TCERG1L: variants seen among roughly 807,000 people sequenced by gnomAD.
The protein encoded by TCERG1L is transcription elongation regulator 1 like.
TCERG1L carries 37 observed loss-of-function variants against 56.3 expected under a neutral mutation model. That is an observed-to-expected ratio of 0.66 (90% CI 0.51 to 0.87). The LOEUF is 0.87. Ranked by LOEUF, TCERG1L falls within the 40% of genes least tolerant of loss-of-function variation. The pLI, the probability that TCERG1L is intolerant of heterozygous loss-of-function variation, is 0.00. For synonymous variants in TCERG1L, 324 were observed against 326.3 expected, an observed-to-expected ratio of 0.99 and a Z score of 0.08; for missense variants, 799 against 774.2, an observed-to-expected ratio of 1.03 and a Z score of -0.38.
chr10:131,204,517 A>G (rs892402918), intron 4 of TCERG1L, among the ~76,000 whole-genome samples: 2 of 152,086 alleles, frequency 1.3e-5, no homozygotes, highest in African/African-American at 2.4e-5. Flanking sequence ...TTTCCCATGT[A>G]CAGTGGAGAA....
At chr10:131,109,369 G>T (rs1845387552) in intron 9 of TCERG1L, among the ~76,000 whole-genome samples, 1 of 152,154 alleles carries the variant, frequency 6.6e-6, no homozygotes, top group Non-Finnish European at 1.5e-5. Context: ...CACGCCTGTT[G>T]TCTGTCCCCC....
rs529966463 is a variant in TCERG1L, at chr10:131,234,490, C to T, written c.856+25769G>A. Among the ~76,000 whole-genome samples the T allele has an allele frequency of 4.8e-4, 73 of 152,058 alleles. 1 individual carries two copies. Among genetic ancestry groups the T allele is most frequent in the African/African-American group, 1.6e-3 (67 of 41,480 alleles). Reference sequence around the variant, plus strand: ...TTATTTTAGAAAAGTATGGAATAAACGAGAGGCTCATGGCTTGAAGGCAGG... The same window carrying T: ...TTATTTTAGAAAAGTATGGAATAAATGAGAGGCTCATGGCTTGAAGGCAGG... On this transcript the variant is annotated intron_variant, in intron 4 of 11. Transcript: ENST00000368642.
At chr10:131,220,015 A>G (rs1040541490) in intron 4 of TCERG1L, among the ~76,000 whole-genome samples, 14 of 152,230 alleles carry the variant, frequency 9.2e-5, no homozygotes, top group Admixed American at 2.0e-4. Flanking sequence ...GCCCAACAAC[A>G]AAAGAGCCAG....
At chr10:131,149,902 C>T (rs537656350) in intron 6 of TCERG1L, among the ~76,000 whole-genome samples, 8 of 152,330 alleles carry the variant, frequency 5.3e-5, no homozygotes, top group African/African-American at 1.9e-4. Context: ...CAGATCCGGC[C>T]CCTCAAGGGC....
chr10:131,285,719 TA>T (rs1846532609), intron 3 of TCERG1L, among the ~76,000 whole-genome samples: 1 of 152,170 alleles, frequency 6.6e-6, no homozygotes, highest in African/African-American at 2.4e-5. Context: ...TCAAGAAATG[TA>T]AGTGATTTAA....
intron 7 of TCERG1L, among the ~76,000 whole-genome samples, chr10:131,144,583 T>TA (rs34870419): frequency 3.4e-4 from 50 of 145,842 alleles, no homozygotes; most frequent in Admixed American, 1.4e-3. Context: ...AGATTCAGGT[T>TA]AAAAAAAAAA....
chr10:131,112,868 G>A (rs71478071), intron 9 of TCERG1L, among the ~76,000 whole-genome samples: 1 of 142,534 alleles, frequency 7.0e-6, no homozygotes, highest in African/African-American at 2.5e-5. Flanking sequence ...CTGGGAAGCA[G>A]GGTTTTCACC....
chr10:131,285,678 G>A (rs1289748269), intron 3 of TCERG1L, among the ~76,000 whole-genome samples: 1 of 152,078 alleles, frequency 6.6e-6, no homozygotes, highest in Non-Finnish European at 1.5e-5. Flanking sequence ...TATATGAAAA[G>A]GGCAATTCAA....
chr10:131,244,706 C>A (rs1412797306), intron 4 of TCERG1L, among the ~76,000 whole-genome samples: 1 of 152,112 alleles, frequency 6.6e-6, no homozygotes, highest in Admixed American at 6.5e-5. Flanking sequence ...GGGAGGGCTT[C>A]CAGAGCTCAA....
In TCERG1L at chr10:131,147,416, C is replaced by T. The variant is rs138007794; in HGVS notation, c.1035-756G>A. Among the ~76,000 whole-genome samples, 610 of 152,270 alleles carry T rather than the reference C, an allele frequency of 4.0e-3. 3 individuals are homozygous for T. The highest frequency in any genetic ancestry group is 0.014 in the Middle Eastern group (4 of 294). ...CGGGAGCCTGCGGCATGGAGGTGCA[C>T]GGGAGACTCTGCACTCTGACACTCT... On this transcript the variant is annotated intron_variant, in intron 6 of 11. Transcript: ENST00000368642.
intron 4 of TCERG1L, among the ~76,000 whole-genome samples, chr10:131,181,180 A>G (rs916522108): frequency 6.6e-5 from 10 of 151,704 alleles, no homozygotes; most frequent in Non-Finnish European, 1.5e-4. Flanking sequence ...ACCTCCCCAC[A>G]GTGGAGCCAA....
At chr10:131,230,501 G>A (rs1322467936) in intron 4 of TCERG1L, among the ~76,000 whole-genome samples, 1 of 152,208 alleles carries the variant, frequency 6.6e-6, no homozygotes, top group Admixed American at 6.5e-5. Flanking sequence ...AGGGACGCTG[G>A]GGAAAAGAAC....
intron 9 of TCERG1L, 118 bp from the exon 10 acceptor site, chr10:131,104,472 A>G: frequency 1.5e-6 from 1 of 667,846 alleles, no homozygotes; most frequent in Non-Finnish European, 2.6e-6. Context: ...AAAGTACAAT[A>G]GATTCCGTGA....
intron 4 of TCERG1L, among the ~76,000 whole-genome samples, chr10:131,201,323 A>G (rs1041429731): frequency 2.0e-5 from 3 of 152,142 alleles, no homozygotes; most frequent in African/African-American, 7.2e-5. Context: ...CAAGGCAGGG[A>G]CAGCGACAGA....
At chr10:131,228,001 T>A (rs1341386032) in intron 4 of TCERG1L, among the ~76,000 whole-genome samples, 1 of 148,308 alleles carries the variant, frequency 6.7e-6, no homozygotes, top group South Asian at 2.2e-4. Flanking sequence ...AGCACCTGAC[T>A]TGGACTCTGT....
intron 8 of TCERG1L, among the ~76,000 whole-genome samples, chr10:131,123,397 G>A (rs56998738): frequency 0.25 from 38,549 of 151,986 alleles, 5,328 homozygotes; most frequent in East Asian, 0.5. Flanking sequence ...CCTGAGAAGA[G>A]GTGAGGAGCC....
intron 7 of TCERG1L, among the ~76,000 whole-genome samples, chr10:131,144,736 A>C (rs1232274267): frequency 1.3e-5 from 2 of 152,218 alleles, no homozygotes; most frequent in East Asian, 3.8e-4. Flanking sequence ...CAGACAAAAT[A>C]CCATATCATG....
At chr10:131,265,963 T>G (rs536058317) in intron 3 of TCERG1L, among the ~76,000 whole-genome samples, 32 of 152,382 alleles carry the variant, frequency 2.1e-4, no homozygotes, top group African/African-American at 7.5e-4. Flanking sequence ...CAATGCTGTT[T>G]GACAGCATTT....
chr10:131,105,628 T>C (rs1845345264), intron 9 of TCERG1L, among the ~76,000 whole-genome samples: 1 of 152,178 alleles, frequency 6.6e-6, no homozygotes, highest in African/African-American at 2.4e-5. Context: ...GTACTCATCC[T>C]TGTATTTATA....
Sources: gnomAD v4.1 joint callset for allele counts (sites outside exome capture counted in the v4.1 genomes callset) on GRCh38, gnomAD v4.1.1 for gene constraint, MANE v1.5 for transcripts, NCBI Gene and HGNC (gene_info 2026-07-23, HGNC 2026-07-21) for gene names.